The following SCN9A variants were observed in gnomAD, a reference collection of about 807,000 sequenced individuals.
The protein encoded by SCN9A is sodium voltage-gated channel alpha subunit 9.
SCN9A carries 131 observed loss-of-function variants against 187.0 expected under a neutral mutation model. The ratio of observed to expected loss-of-function variants is 0.70; its 90% CI spans 0.61 to 0.81. The LOEUF is 0.81. Among genes scored for constraint, SCN9A ranks in the 30% least tolerant of loss-of-function variants. The pLI, the probability that SCN9A is intolerant of heterozygous loss-of-function variation, is 0.00. For synonymous variants in SCN9A, 809 were observed against 808.6 expected, an observed-to-expected ratio of 1.00 and a Z score of -0.01; for missense variants, 2,252 against 2,396.6, an observed-to-expected ratio of 0.94 and a Z score of 1.26.
At chr2:166,244,621 TTC>T (rs1412586759) in intron 18 of SCN9A, among the ~76,000 whole-genome samples, 4 of 151,932 alleles carry the variant, frequency 2.6e-5, no homozygotes, top group Non-Finnish European at 5.9e-5. Flanking sequence ...CGGTGGTCTA[TTC>T]TCTCTGGATT....
intron 26 of SCN9A, among the ~76,000 whole-genome samples, chr2:166,203,385 T>C (rs12996382): frequency 0.092 from 13,983 of 151,870 alleles, 705 homozygotes; most frequent in Middle Eastern, 0.22. Context: ...AATGAATGTA[T>C]AGGAAGTATA....
intron 1 of SCN9A, among the ~76,000 whole-genome samples, chr2:166,326,884 T>C (rs1045194939): frequency 2.0e-5 from 3 of 151,968 alleles, no homozygotes; most frequent in Non-Finnish European, 4.4e-5. Flanking sequence ...TCCTAGGGAG[T>C]CTTGGAGCTT....
intron 24 of SCN9A, among the ~76,000 whole-genome samples, chr2:166,214,659 C>T (rs1036174462): frequency 7.4e-5 from 11 of 149,258 alleles, no homozygotes; most frequent in Non-Finnish European, 1.3e-4. Context: ...GGACTACAGG[C>T]GCCCGCTACC....
intron 7 of SCN9A, among the ~76,000 whole-genome samples, chr2:166,297,220 A>AAAAAAAAAAAAAAAAAAAAAAAAAC (rs1698352237): frequency 6.9e-6 from 1 of 144,794 alleles, no homozygotes; most frequent in Non-Finnish European, 1.5e-5. Flanking sequence ...AAAAAAAAAA[A>AAAAAAAAAAAAAAAAAAAAAAAAAC]AAAAAAAGAA....
At chr2:166,219,904 T>C (rs753945643) in intron 24 of SCN9A, among the ~76,000 whole-genome samples, 29 of 152,200 alleles carry the variant, frequency 1.9e-4, no homozygotes, top group Non-Finnish European at 2.5e-4. Context: ...GATCAAAACA[T>C]TGTTTTGTAC....
At chr2:166,259,439 A>G (rs767643403) in intron 17 of SCN9A, among the ~76,000 whole-genome samples, 6 of 151,836 alleles carry the variant, frequency 4.0e-5, no homozygotes, top group Non-Finnish European at 7.4e-5. Flanking sequence ...ACGTTAAGCA[A>G]TATATTTGAA....
intron 5 of SCN9A, 66 bp downstream of exon 5, chr2:166,305,726 T>C: frequency 6.2e-7 from 1 of 1,603,158 alleles, no homozygotes; most frequent in South Asian, 1.1e-5. Context: ...GGTTTGCTGT[T>C]ATTGGAACAC....
At chr2:166,232,079 G>A (rs965421762) in intron 21 of SCN9A, among the ~76,000 whole-genome samples, 3 of 152,104 alleles carry the variant, frequency 2.0e-5, no homozygotes, top group Admixed American at 6.5e-5. Context: ...GGTTAGGGTC[G>A]GGACAGGGCA....
At chr2:166,273,619 T>A (rs549433467) in intron 16 of SCN9A, among the ~76,000 whole-genome samples, 72 of 152,074 alleles carry the variant, frequency 4.7e-4, no homozygotes, top group Non-Finnish European at 9.0e-4. Flanking sequence ...GTTAATTATT[T>A]TTTTTTCTCA....
In SCN9A at chr2:166,203,018, C is replaced by CCTGA. The variant is rs1375600884; in HGVS notation, c.4774+933_4774+936dup. ...GATACAGGCACACTCTTTTTTTTTT[C>CCTGA]CTGACTTAATAGGAATGCTTTCAGA... is the stretch of plus-strand genomic sequence containing the variant. On this transcript the variant is annotated intron_variant, in intron 26 of 26. Coordinates refer to ENST00000642356, the MANE Select transcript of SCN9A (RefSeq NM_001365536.1). 7.4e-5 allele frequency among the ~76,000 whole-genome samples: 11 copies of CCTGA among 149,636 alleles called. No homozygotes were observed. In the East Asian group the frequency reaches 2.1e-3, roughly 29 times the overall value.
At chr2:166,324,793 T>C (rs548936551) in intron 1 of SCN9A, among the ~76,000 whole-genome samples, 56 of 152,106 alleles carry the variant, frequency 3.7e-4, no homozygotes, top group Non-Finnish European at 6.2e-4. Flanking sequence ...TCACTCAAAG[T>C]ATCAACATCA....
At chr2:166,235,696 C>T (rs953565583) in intron 20 of SCN9A, among the ~76,000 whole-genome samples, 3 of 151,858 alleles carry the variant, frequency 2.0e-5, no homozygotes, top group African/African-American at 7.3e-5. Context: ...AAAAATCAGC[C>T]ACTCCCCCAA....
At chr2:166,259,636 G>A (rs976346577) in intron 17 of SCN9A, among the ~76,000 whole-genome samples, 1 of 151,712 alleles carries the variant, frequency 6.6e-6, no homozygotes, top group Non-Finnish European at 1.5e-5. Flanking sequence ...AGTATAGGGG[G>A]TGAGGTGGCA....
intron 18 of SCN9A, among the ~76,000 whole-genome samples, chr2:166,245,488 T>C (rs1423752825): frequency 1.3e-5 from 2 of 151,828 alleles, no homozygotes; most frequent in Non-Finnish European, 2.9e-5. Context: ...TAAAAAGTTT[T>C]ATAAGAAGTG....
In SCN9A at chr2:166,342,729, ATTTT is replaced by A. The variant is rs1389206585; in HGVS notation, c.-50-30927_-50-30924del. 2.6e-5 allele frequency among the ~76,000 whole-genome samples: 4 copies of A among 152,132 alleles called. No homozygotes were observed. The South Asian group carries it at 8.3e-4, about 31-fold the overall frequency. The stretch of plus-strand genomic sequence containing the variant: ...TAAAAATATACACAAAATTGAAACT[ATTTT>A]TTATTTTATCATTATTTTTTAAATC... On this transcript the variant is annotated intron_variant, in intron 1 of 26. Transcript: ENST00000642356.
chr2:166,209,401 G>C (rs375249143), intron 24 of SCN9A, among the ~76,000 whole-genome samples: 4 of 152,112 alleles, frequency 2.6e-5, no homozygotes, highest in Non-Finnish European at 5.9e-5. Flanking sequence ...CAAAGTACCA[G>C]AGAACAGAGA....
rs375692242 is a variant in SCN9A, at chr2:166,228,838, G to A, written c.4059C>T (p.Thr1353=). The part of the protein sequence containing the change: ...FAGKFYECIN[T]TDGSRFPASQ... ...TTGCAGGAAACCGTGACCCATCTGT[G>A]GTGTTAATACACTCATAGAACTTGC... Residue 1353 remains threonine (T), a synonymous_variant, in exon 22 of 27, where the codon ACC becomes ACT. Coordinates refer to ENST00000642356, the MANE Select transcript of SCN9A (RefSeq NM_001365536.1). The A allele has an allele frequency of 6.2e-6, 10 of 1,613,796 alleles. No homozygotes were observed. Among genetic ancestry groups the A allele is most frequent in the Non-Finnish European group, 6.8e-6 (8 of 1,179,840 alleles).
In SCN9A at chr2:166,276,947, A is replaced by T. The variant is rs375068855; in HGVS notation, c.2874+36T>A. 4.5e-6 allele frequency: 7 copies of T among 1,539,148 alleles called. No individual in the cohort carries two copies. In the African/African-American group the frequency reaches 9.5e-5, roughly 21 times the overall value. On this transcript the variant is annotated intron_variant, in intron 16 of 26. Coordinates refer to ENST00000642356, the MANE Select transcript of SCN9A (RefSeq NM_001365536.1). Reference sequence around the variant, plus strand: ...CACATCATCACAAAATAATTTCCACAGAGAAATTAAAATGCATGAACATCT... The same window carrying T: ...CACATCATCACAAAATAATTTCCACTGAGAAATTAAAATGCATGAACATCT...
chr2:166,205,063 A>G (rs1693733221), intron 24 of SCN9A: 1 of 152,222 alleles, frequency 6.6e-6, no homozygotes, highest in Non-Finnish European at 1.5e-5. Flanking sequence ...AAGACTCAAT[A>G]TCATGAAAAT....
Sources: allele counts gnomAD v4.1 joint callset (sites outside exome capture counted in the v4.1 genomes callset), GRCh38; gene constraint gnomAD v4.1.1; transcripts MANE v1.5; gene names NCBI Gene and HGNC (gene_info 2026-07-23, HGNC 2026-07-21).